Variants in JMJD1C observed in about 807,000 individuals in gnomAD.
JMJD1C encodes the protein jumonji domain-containing protein 1C.
Under a neutral mutation model 245.3 loss-of-function variants are expected in JMJD1C, and 31 were observed. That is an observed-to-expected ratio of 0.13 (90% CI 0.09 to 0.17). The LOEUF (loss-of-function observed/expected upper bound fraction) is 0.17, where lower values mean the gene tolerates loss of function less well. JMJD1C is among the 10% of genes least tolerant of loss of function. JMJD1C has a pLI of 1.00. For synonymous variants in JMJD1C, 1,057 were observed against 1,017.4 expected, an observed-to-expected ratio of 1.04 and a Z score of -0.74; for missense variants, 2,691 against 3,000.2, an observed-to-expected ratio of 0.90 and a Z score of 2.41.
At position 63,380,172 on chromosome 10, in the gene JMJD1C, G is replaced by A. The variant is rs1265154857; in HGVS notation, c.333+146C>T. 9 of 697,158 alleles carry A rather than the reference G, an allele frequency of 1.3e-5. No individual in the cohort carries two copies. In the Admixed American group the frequency reaches 2.0e-4, roughly 15 times the overall value. 43.2% of individuals were successfully genotyped at this position (697,158 alleles called of 1,614,324 possible). On this transcript the variant is annotated intron_variant, in intron 2 of 25. Transcript: ENST00000399262. ...TTGCCCAGGCTGATCTCCAACTCCT[G>A]GCTTCAAGCAATTGTCCTGCTTCAG... is the stretch of plus-strand genomic sequence containing the variant.
At chr10:63,416,209 T>TTA (rs1273989629) in intron 1 of JMJD1C, among the ~76,000 whole-genome samples, 1 of 152,176 alleles carries the variant, frequency 6.6e-6, no homozygotes, top group East Asian at 1.9e-4. Flanking sequence ...GTTTAAATTG[T>TTA]TATACATGAT....
intron 1 of JMJD1C, among the ~76,000 whole-genome samples, chr10:63,492,630 C>A (rs747792189): frequency 1.3e-5 from 2 of 151,904 alleles, no homozygotes; most frequent in Admixed American, 6.6e-5. Context: ...GCCAAGATTG[C>A]GAACACTGCA....
In JMJD1C at chr10:63,204,389, G is replaced by A. The variant is rs1018747459; in HGVS notation, c.5074+2206C>T. The A allele has an allele frequency of 6.1e-6, 6 of 984,314 alleles. No individual in the cohort carries two copies. In the African/African-American group the frequency reaches 8.7e-5, roughly 14 times the overall value. 61.0% of individuals were successfully genotyped at this position (984,314 alleles called of 1,614,324 possible). A position where few individuals can be genotyped will look rare whatever the true frequency, so the allele number is the denominator to read the frequency against. On this transcript the variant is annotated intron_variant, in intron 10 of 25. Coordinates refer to ENST00000399262, the MANE Select transcript of JMJD1C (RefSeq NM_032776.3). ...CTCTTACATGTGAATATGTATATTCGTCTCAAGATGAAAAGAGAATACGTA... is the reference window on the plus strand; with the variant it reads ...CTCTTACATGTGAATATGTATATTCATCTCAAGATGAAAAGAGAATACGTA...
chr10:63,361,429 A>G (rs1197029112), intron 2 of JMJD1C, among the ~76,000 whole-genome samples: 1 of 152,206 alleles, frequency 6.6e-6, no homozygotes. Flanking sequence ...GTCTCAATAA[A>G]TAAGTAAGTA....
chr10:63,293,799 T>TTC lies in JMJD1C; in HGVS notation c.334-29036_334-29035insGA, dbSNP rs397693741. On this transcript the variant is annotated intron_variant, in intron 2 of 25. Coordinates refer to ENST00000399262, the MANE Select transcript of JMJD1C (RefSeq NM_032776.3). The stretch of plus-strand genomic sequence containing the variant: ...TTCCCTATTTCTCTAATTTTTTTTT[T>TTC]CAATCTTCCCAGATGGCTCCACTTC... Among the ~76,000 whole-genome samples the TTC allele has an allele frequency of 2.0e-5, 3 of 151,996 alleles. No homozygotes were observed. In the East Asian group the frequency reaches 5.8e-4, roughly 29 times the overall value.
intron 24 of JMJD1C, among the ~76,000 whole-genome samples, chr10:63,173,507 A>G (rs1842587834): frequency 6.6e-6 from 1 of 152,198 alleles, no homozygotes; most frequent in Non-Finnish European, 1.5e-5. Flanking sequence ...AGATTGCCTG[A>G]GCTTAGGAGT....
chr10:63,214,387 C>G lies in JMJD1C; in HGVS notation c.1780G>C (p.Glu594Gln). The G allele has an allele frequency of 6.2e-7, 1 of 1,613,936 alleles. No homozygotes were observed. The highest frequency in any genetic ancestry group is 1.3e-5 in the African/African-American group (1 of 75,048). ...SGNDHLNMEKEKYVSYISPLS... is the reference protein window; with the variant it reads ...SGNDHLNMEKQKYVSYISPLS... ...GGAGAAATGTAAGAGACATACTTCT[C>G]TTTTTCCATGTTCAAGTGATCATTT... The change falls in exon 8 of 26, where the codon GAG becomes CAG. Residue 594 changes from glutamate (E) to glutamine (Q), a missense_variant. Glu to Gln is a conservative substitution (Grantham distance 29). Transcript: ENST00000399262.
chr10:63,202,365 G>C (rs1345392823), intron 10 of JMJD1C: 3 of 984,962 alleles, frequency 3.0e-6, no homozygotes, highest in East Asian at 2.3e-4. Flanking sequence ...TCAGATATTA[G>C]ATTTACATAG....
intron 2 of JMJD1C, among the ~76,000 whole-genome samples, chr10:63,298,954 C>T (rs1224212895): frequency 6.6e-6 from 1 of 152,084 alleles, no homozygotes; most frequent in African/African-American, 2.4e-5. Context: ...TGGTCTTGAA[C>T]TTCTGACCTC....
intron 1 of JMJD1C, among the ~76,000 whole-genome samples, chr10:63,492,503 T>C (rs1420132139): frequency 2.6e-5 from 4 of 151,952 alleles, no homozygotes; most frequent in African/African-American, 9.7e-5. Context: ...CTGTCTCTAA[T>C]AAAAATACAA....
chr10:63,284,649 C>T (rs941891273), intron 2 of JMJD1C, among the ~76,000 whole-genome samples: 1 of 151,960 alleles, frequency 6.6e-6, no homozygotes, highest in African/African-American at 2.4e-5. Context: ...CATTAAACTT[C>T]GAAATAAGGA....
upstream of JMJD1C, chr10:63,466,158 A>G (rs868717203): frequency 4.1e-5 from 6 of 147,956 alleles, no homozygotes; most frequent in South Asian, 1.4e-4. Context: ...CGGCGGCGGC[A>G]GCGGGAGACG....
intron 2 of JMJD1C, among the ~76,000 whole-genome samples, chr10:63,280,499 G>A (rs1052561232): frequency 4.6e-5 from 7 of 152,120 alleles, no homozygotes; most frequent in Non-Finnish European, 8.8e-5. Flanking sequence ...GCAGTGGGGC[G>A]AGATGGCATC....
rs1325157144 is a variant in JMJD1C, at chr10:63,191,027, G to A, written c.6158C>T (p.Ser2053Leu). ...TTCATTATTCTGGGACACAAGAGGT[G>A]ATGTTCTGCCATTTGGAGATTCAGA... ...DNSESPNGRT[S>L]PLVSQNNEQG... Residue 2053 changes from serine (S) to leucine (L), a missense_variant, in exon 17 of 26, where the codon TCA becomes TTA. Coordinates refer to ENST00000399262, the MANE Select transcript of JMJD1C (RefSeq NM_032776.3). The A allele has an allele frequency of 2.5e-6, 4 of 1,613,972 alleles. No individual in the cohort carries two copies. The highest frequency in any genetic ancestry group is 2.5e-6 in the Non-Finnish European group (3 of 1,179,938).
intron 2 of JMJD1C, among the ~76,000 whole-genome samples, chr10:63,371,472 T>C (rs1275815912): frequency 6.6e-6 from 1 of 152,228 alleles, no homozygotes; most frequent in African/African-American, 2.4e-5. Context: ...TCCTCTTTAA[T>C]AAGACTGCAA....
intron 2 of JMJD1C, among the ~76,000 whole-genome samples, chr10:63,358,534 A>G (rs1945058382): frequency 1.3e-5 from 2 of 152,132 alleles, no homozygotes; most frequent in African/African-American, 4.8e-5. Context: ...TATAATTAAG[A>G]TATATCATAT....
intron 2 of JMJD1C, among the ~76,000 whole-genome samples, chr10:63,360,886 G>A (rs1293746810): frequency 6.6e-6 from 1 of 151,982 alleles, no homozygotes; most frequent in Admixed American, 6.6e-5. Context: ...CTGGGATCAA[G>A]CGATTCTCCT....
At chr10:63,444,537 G>A (rs1237479053) in intron 1 of JMJD1C, among the ~76,000 whole-genome samples, 2 of 151,988 alleles carry the variant, frequency 1.3e-5, no homozygotes, top group Non-Finnish European at 2.9e-5. Flanking sequence ...GCCTCCCAAA[G>A]TGCTGGGATT....
At chr10:63,383,261 A>C (rs758676982) in intron 1 of JMJD1C, among the ~76,000 whole-genome samples, 1 of 152,028 alleles carries the variant, frequency 6.6e-6, no homozygotes. Context: ...TCCACTAAAG[A>C]TATTCATTAA....
Sources: gnomAD v4.1 joint callset for allele counts (sites outside exome capture counted in the v4.1 genomes callset) on GRCh38, gnomAD v4.1.1 for gene constraint, MANE v1.5 for transcripts, NCBI Gene and HGNC (gene_info 2026-07-23, HGNC 2026-07-21) for gene names.